DPP10: variants seen among roughly 807,000 people sequenced by gnomAD.
The protein encoded by DPP10 is inactive dipeptidyl peptidase 10.
Under a neutral mutation model 120.9 loss-of-function variants are expected in DPP10, and 33 were observed. The ratio of observed to expected loss-of-function variants is 0.27; its 90% CI spans 0.21 to 0.37. The LOEUF is 0.37. DPP10 is among the 10% of genes least tolerant of loss of function. The probability of loss-of-function intolerance (pLI) is 1.00; values close to 1 mark genes in which losing one functional copy is unlikely to be tolerated. For synonymous variants in DPP10, 337 were observed against 326.1 expected, an observed-to-expected ratio of 1.03 and a Z score of -0.36; for missense variants, 816 against 942.8, an observed-to-expected ratio of 0.87 and a Z score of 1.76.
At chr2:115,128,494 T>A (rs1353527513) in intron 1 of DPP10, among the ~76,000 whole-genome samples, 1 of 152,262 alleles carries the variant, frequency 6.6e-6, no homozygotes, top group East Asian at 1.9e-4. Context: ...ACTAAGACCC[T>A]GAGATATTGA....
intron 1 of DPP10, among the ~76,000 whole-genome samples, chr2:115,043,102 C>T (rs1038019290): frequency 3.9e-5 from 6 of 152,132 alleles, no homozygotes; most frequent in Admixed American, 3.9e-4. Context: ...TTACAGCAAA[C>T]TAAAACAATT....
chr2:114,871,470 A>G (rs980955809), intron 1 of DPP10, among the ~76,000 whole-genome samples: 1 of 152,200 alleles, frequency 6.6e-6, no homozygotes. Context: ...AACTGTAATT[A>G]CTTGTGAACC....
At chr2:115,362,123 C>A (rs1034443497) in intron 3 of DPP10, among the ~76,000 whole-genome samples, 4 of 151,964 alleles carry the variant, frequency 2.6e-5, no homozygotes, top group African/African-American at 9.7e-5. Context: ...TTCGAATGAG[C>A]CATTGAGAAC....
intron 1 of DPP10, among the ~76,000 whole-genome samples, chr2:114,766,922 TACAC>T (rs1333454315): frequency 1.3e-5 from 2 of 151,100 alleles, no homozygotes; most frequent in South Asian, 4.2e-4. Flanking sequence ...CGCACACACA[TACAC>T]ACACGAGAGA....
chr2:114,958,624 T>A (rs1389343475), intron 1 of DPP10, among the ~76,000 whole-genome samples: 1 of 152,198 alleles, frequency 6.6e-6, no homozygotes, highest in Non-Finnish European at 1.5e-5. Context: ...TATTGACACA[T>A]CATATTGTAC....
chr2:114,526,988 A>G (rs1447373239), intron 1 of DPP10, among the ~76,000 whole-genome samples: 1 of 152,192 alleles, frequency 6.6e-6, no homozygotes, highest in Non-Finnish European at 1.5e-5. Context: ...TTTTGATGTC[A>G]TACCATTTGT....
rs544229077 is a variant in DPP10, at chr2:115,001,703, G to A, written c.61-307536G>A. On this transcript the variant is annotated intron_variant, in intron 1 of 25. Transcript: ENST00000410059. ...AACAACTTCAAAAAATTTTTTAAATGTACAAAAGTCAGGTGCAATTCCAAA... is the reference window on the plus strand; with the variant it reads ...AACAACTTCAAAAAATTTTTTAAATATACAAAAGTCAGGTGCAATTCCAAA... 1.1e-4 allele frequency among the ~76,000 whole-genome samples: 16 copies of A among 152,160 alleles called. No individual in the cohort carries two copies. The South Asian group carries it at 3.1e-3, about 30-fold the overall frequency.
Position 115,321,220 on chromosome 2 carries a change from G to C in DPP10, c.175+11867G>C, listed in dbSNP as rs949755718. On this transcript the variant is annotated intron_variant, in intron 2 of 25. Transcript: ENST00000410059. ...GGAGCCTGAGGCAGGAGAATCACTT[G>C]AACCCAGGAGGCAGAGGCTGCAGTG... Among the ~76,000 whole-genome samples the C allele has an allele frequency of 5.9e-5, 9 of 152,168 alleles. No homozygotes were observed. In the East Asian group the frequency reaches 1.7e-3, roughly 29 times the overall value.
At chr2:115,215,021 C>T (rs1323010748) in intron 1 of DPP10, among the ~76,000 whole-genome samples, 2 of 152,154 alleles carry the variant, frequency 1.3e-5, no homozygotes, top group African/African-American at 2.4e-5. Flanking sequence ...AAATTTTAAC[C>T]TGCTCCATTA....
At chr2:115,828,744 T>C (rs538157222) in intron 21 of DPP10, among the ~76,000 whole-genome samples, 1 of 152,304 alleles carries the variant, frequency 6.6e-6, no homozygotes, top group African/African-American at 2.4e-5. Flanking sequence ...TCTATATTTT[T>C]AGTCATTTCA....
chr2:114,555,749 G>A (rs1388390892), intron 1 of DPP10, among the ~76,000 whole-genome samples: 1 of 152,104 alleles, frequency 6.6e-6, no homozygotes, highest in Non-Finnish European at 1.5e-5. Context: ...ATGTATAACT[G>A]ATATATAGGA....
intron 1 of DPP10, among the ~76,000 whole-genome samples, chr2:114,889,694 T>C (rs747258918): frequency 9.9e-5 from 15 of 152,148 alleles, no homozygotes; most frequent in Non-Finnish European, 1.6e-4. Context: ...AAAATGGTTT[T>C]GTAATTGTGC....
chr2:114,691,456 A>G (rs1322052556), intron 1 of DPP10, among the ~76,000 whole-genome samples: 2 of 152,042 alleles, frequency 1.3e-5, no homozygotes, highest in African/African-American at 4.8e-5. Flanking sequence ...GTGCTGCTGG[A>G]TTTGGTTTGC....
chr2:114,704,598 C>G (rs1343051254), intron 1 of DPP10, among the ~76,000 whole-genome samples: 4 of 152,242 alleles, frequency 2.6e-5, no homozygotes, highest in Middle Eastern at 6.8e-3. Flanking sequence ...TGGAAAATTA[C>G]CATTGGTATC....
intron 1 of DPP10, among the ~76,000 whole-genome samples, chr2:114,743,423 A>C (rs1008680018): frequency 1.3e-4 from 1 of 7,522 alleles, no homozygotes; most frequent in African/African-American, 6.9e-3. Flanking sequence ...TGGAAATAGA[A>C]AAAAAAAAAA....
chr2:115,719,659 G>A (rs540836130), intron 7 of DPP10, among the ~76,000 whole-genome samples: 13 of 152,170 alleles, frequency 8.5e-5, no homozygotes, highest in Non-Finnish European at 1.8e-4. Context: ...AAAAAGTAAA[G>A]TTGAATGCTG....
intron 1 of DPP10, among the ~76,000 whole-genome samples, chr2:115,121,374 G>T (rs1315723258): frequency 1.3e-5 from 2 of 152,170 alleles, no homozygotes; most frequent in Non-Finnish European, 2.9e-5. Flanking sequence ...CACAGACTAG[G>T]CAGCTCTCGA....
At chr2:115,403,031 A>C (rs1302012911) in intron 3 of DPP10, among the ~76,000 whole-genome samples, 1 of 150,504 alleles carries the variant, frequency 6.6e-6, no homozygotes, top group Non-Finnish European at 1.5e-5. Flanking sequence ...ACTATTAGCA[A>C]ACCCAGTTCA....
intron 19 of DPP10, among the ~76,000 whole-genome samples, chr2:115,812,065 T>G (rs570414690): frequency 1.3e-5 from 2 of 152,332 alleles, no homozygotes; most frequent in African/African-American, 4.8e-5. Flanking sequence ...GCTTACAAAA[T>G]GTCTTTGAGG....
Sources: allele counts gnomAD v4.1 joint callset (sites outside exome capture counted in the v4.1 genomes callset), GRCh38; gene constraint gnomAD v4.1.1; transcripts MANE v1.5; gene names NCBI Gene and HGNC (gene_info 2026-07-23, HGNC 2026-07-21).